The following SV2C variants were observed in gnomAD, a reference collection of about 807,000 sequenced individuals.
The protein encoded by SV2C is synaptic vesicle glycoprotein 2C.
Under a neutral mutation model 79.7 loss-of-function variants are expected in SV2C, and 49 were observed. That is an observed-to-expected ratio of 0.61 (90% CI 0.49 to 0.78). The LOEUF (loss-of-function observed/expected upper bound fraction) is 0.78, where lower values mean the gene tolerates loss of function less well. Ranked by LOEUF, SV2C falls within the 30% of genes least tolerant of loss-of-function variation. The pLI is 0.00. For synonymous variants in SV2C, 334 were observed against 333.2 expected (o/e 1.00, Z -0.03); for missense variants, 833 against 912.9 (o/e 0.91, Z 1.13).
chr5:75,957,292 C>A, the SV2C span, among the ~76,000 whole-genome samples: 15 of 151,886 alleles, frequency 9.9e-5, no homozygotes, highest in Non-Finnish European at 1.0e-4. Context: ...ATGTTGGTTC[C>A]CAGTGTATCT....
chr5:75,911,056 A>C, the SV2C span: 1 of 1,220,926 alleles, frequency 8.2e-7, no homozygotes, highest in South Asian at 1.2e-5. Context: ...AATCTGTCGC[A>C]ACAACTGAAG....
chr5:76,212,449 TTCTC>T (rs959709096), intron 4 of SV2C, among the ~76,000 whole-genome samples: 7 of 151,714 alleles, frequency 4.6e-5, no homozygotes, highest in Admixed American at 1.3e-4. Flanking sequence ...GTGCTTTTTT[TTCTC>T]TCTCTCTCTC....
the SV2C span, among the ~76,000 whole-genome samples, chr5:76,035,461 G>A: frequency 0.42 from 63,231 of 151,612 alleles, 15,208 homozygotes; most frequent in Middle Eastern, 0.58. Flanking sequence ...CTTTGTTCTC[G>A]TTGGTTTCAA....
chr5:76,023,149 G>C, the SV2C span, among the ~76,000 whole-genome samples: 1 of 152,166 alleles, frequency 6.6e-6, no homozygotes, highest in African/African-American at 2.4e-5. Flanking sequence ...TACTAAATCT[G>C]AGTTAAATTT....
chr5:76,156,238 A>G (rs147711605), intron 2 of SV2C, among the ~76,000 whole-genome samples: 143 of 152,268 alleles, frequency 9.4e-4, no homozygotes, highest in African/African-American at 2.9e-3. Flanking sequence ...AGGGAAAGAG[A>G]TAGTGAAACA....
intron 2 of SV2C, among the ~76,000 whole-genome samples, chr5:76,183,030 A>ATC (rs58317002): frequency 0.29 from 29,133 of 101,884 alleles, 6,863 homozygotes; most frequent in African/African-American, 0.53. Flanking sequence ...AGAACCTACC[A>ATC]TTTTTTTTTT....
intron 3 of SV2C, among the ~76,000 whole-genome samples, chr5:76,209,252 G>A (rs954020609): frequency 2.6e-5 from 4 of 152,176 alleles, no homozygotes; most frequent in Non-Finnish European, 4.4e-5. Flanking sequence ...CTGCTGTGGG[G>A]TAGCAGTGAG....
rs1749239740 is a variant in SV2C, at chr5:76,333,429, A to T, written c.*7882A>T. On this transcript the variant is annotated 3_prime_UTR_variant, in exon 13 of 13. Coordinates refer to ENST00000502798, the MANE Select transcript of SV2C (RefSeq NM_014979.4). ...CTCTTTCAGGTGAACTTCCATTTTGAACATATGCTAAACGTACTATCCACT... is the reference window on the plus strand; with the variant it reads ...CTCTTTCAGGTGAACTTCCATTTTGTACATATGCTAAACGTACTATCCACT... 6.6e-6 allele frequency: 1 copy of T among 152,184 alleles called. No individual in the cohort carries two copies. The highest frequency in any genetic ancestry group is 2.4e-5 in the African/African-American group (1 of 41,456). 9.4% of individuals were successfully genotyped at this position (152,184 alleles called of 1,614,324 possible). A position where few individuals can be genotyped will look rare whatever the true frequency, so the allele number is the denominator to read the frequency against.
At chr5:76,178,444 G>A (rs1283065617) in intron 2 of SV2C, among the ~76,000 whole-genome samples, 1 of 151,980 alleles carries the variant, frequency 6.6e-6, no homozygotes, top group Non-Finnish European at 1.5e-5. Context: ...TTTTATAGCA[G>A]TGGCTCCCAG....
the SV2C span, among the ~76,000 whole-genome samples, chr5:75,872,018 ATATAT>A: frequency 2.0e-5 from 3 of 147,266 alleles, no homozygotes; most frequent in South Asian, 2.1e-4. Context: ...ATTTTATATA[ATATAT>A]TAGCAATATA....
the SV2C span, among the ~76,000 whole-genome samples, chr5:75,854,997 AC>A: frequency 6.6e-6 from 1 of 152,158 alleles, no homozygotes; most frequent in Non-Finnish European, 1.5e-5. Flanking sequence ...CTATGCTTAA[AC>A]CAGCTCTACT....
intron 4 of SV2C, among the ~76,000 whole-genome samples, chr5:76,243,041 GACAA>G (rs1745840296): frequency 1.4e-5 from 1 of 70,786 alleles, no homozygotes; most frequent in African/African-American, 5.6e-5. Context: ...AAAAAAAAAA[GACAA>G]AAAGAAAAGA....
the SV2C span, among the ~76,000 whole-genome samples, chr5:76,012,050 A>C: frequency 6.6e-6 from 1 of 152,160 alleles, no homozygotes; most frequent in Non-Finnish European, 1.5e-5. Flanking sequence ...TGCTATTGTG[A>C]ACAGTGCCCA....
chr5:75,911,435 G>A, the SV2C span: 227 of 998,642 alleles, frequency 2.3e-4, no homozygotes, highest in Non-Finnish European at 3.2e-4. Flanking sequence ...CCTCCACCCA[G>A]AGCCACTCCA....
the SV2C span, among the ~76,000 whole-genome samples, chr5:75,937,081 C>A: frequency 2.0e-5 from 3 of 152,114 alleles, no homozygotes; most frequent in African/African-American, 7.2e-5. Context: ...AAGATAGTAA[C>A]ACTAATCTGT....
At chr5:76,051,443 A>G in the SV2C span, among the ~76,000 whole-genome samples, 1 of 152,202 alleles carries the variant, frequency 6.6e-6, no homozygotes, top group Non-Finnish European at 1.5e-5. Context: ...GTGTTCAAAA[A>G]TTTAGCAAAA....
At chr5:75,882,147 C>A in the SV2C span, among the ~76,000 whole-genome samples, 14 of 149,990 alleles carry the variant, frequency 9.3e-5, no homozygotes, top group South Asian at 2.9e-3. Context: ...AGGGATGAAG[C>A]CCACTTGATC....
At chr5:76,335,784 A>G (rs929409159), downstream of SV2C, among the ~76,000 whole-genome samples, 2 of 152,264 alleles carry the variant, frequency 1.3e-5, no homozygotes, top group Non-Finnish European at 2.9e-5. Flanking sequence ...AATTTTTCTT[A>G]GTACAGAACA....
the SV2C span, among the ~76,000 whole-genome samples, chr5:75,859,570 T>C: frequency 1.3e-5 from 2 of 152,184 alleles, no homozygotes; most frequent in Non-Finnish European, 2.9e-5. Flanking sequence ...GTCTCCCCTG[T>C]GTGAGACACC....
Sources: allele counts gnomAD v4.1 joint callset (sites outside exome capture counted in the v4.1 genomes callset), GRCh38; gene constraint gnomAD v4.1.1; transcripts MANE v1.5; gene names NCBI Gene and HGNC (gene_info 2026-07-23, HGNC 2026-07-21).